PABPC4L: variants seen among roughly 807,000 people sequenced by gnomAD.
The protein encoded by PABPC4L is polyadenylate-binding protein 4-like.
For synonymous variants in PABPC4L, 169 were observed against 164.1 expected, an observed-to-expected ratio of 1.03 and a Z score of -0.23; for missense variants, 452 against 451.4, an observed-to-expected ratio of 1.00 and a Z score of -0.01.
the PABPC4L span, among the ~76,000 whole-genome samples, chr4:134,061,355 A>T: frequency 6.6e-6 from 1 of 152,028 alleles, no homozygotes; most frequent in East Asian, 1.9e-4. Context: ...ATATGAAATG[A>T]CCCACCGAAT....
At chr4:133,955,605 T>C in the PABPC4L span, among the ~76,000 whole-genome samples, 2 of 152,308 alleles carry the variant, frequency 1.3e-5, no homozygotes, top group East Asian at 1.9e-4. Flanking sequence ...CCCAGTTTCA[T>C]GTAACATGAC....
chr4:134,091,565 C>A, the PABPC4L span, among the ~76,000 whole-genome samples: 2 of 151,766 alleles, frequency 1.3e-5, no homozygotes, highest in Non-Finnish European at 2.9e-5. Context: ...TTGCCCTATT[C>A]CTGAATTTAA....
the PABPC4L span, among the ~76,000 whole-genome samples, chr4:134,033,133 T>C: frequency 6.6e-6 from 1 of 151,702 alleles, no homozygotes; most frequent in East Asian, 1.9e-4. Context: ...TGTGTCACCT[T>C]TTGGTAATTC....
chr4:133,973,234 A>G, the PABPC4L span, among the ~76,000 whole-genome samples: 1 of 152,022 alleles, frequency 6.6e-6, no homozygotes, highest in Admixed American at 6.6e-5. Flanking sequence ...TTTATTGGCT[A>G]AAGAAGATCT....
At chr4:134,090,955 C>T in the PABPC4L span, among the ~76,000 whole-genome samples, 1 of 151,846 alleles carries the variant, frequency 6.6e-6, no homozygotes, top group Non-Finnish European at 1.5e-5. Context: ...AGTCTGACCC[C>T]TAAATTTTTC....
At chr4:134,008,611 A>C in the PABPC4L span, among the ~76,000 whole-genome samples, 1 of 151,918 alleles carries the variant, frequency 6.6e-6, no homozygotes, top group East Asian at 1.9e-4. Context: ...ATGTAGAAAT[A>C]GATCAAATTT....
At chr4:134,042,974 A>G in the PABPC4L span, among the ~76,000 whole-genome samples, 1 of 152,112 alleles carries the variant, frequency 6.6e-6, no homozygotes, top group Non-Finnish European at 1.5e-5. Context: ...CAGTCCCAAA[A>G]TGTTCACCAG....
At chr4:134,016,952 G>A in the PABPC4L span, among the ~76,000 whole-genome samples, 13 of 152,092 alleles carry the variant, frequency 8.5e-5, no homozygotes, top group African/African-American at 3.1e-4. Flanking sequence ...TCTTAGTCTA[G>A]GTAAACACTT....
chr4:133,963,488 T>G, the PABPC4L span, among the ~76,000 whole-genome samples: 18 of 152,200 alleles, frequency 1.2e-4, no homozygotes, highest in African/African-American at 4.1e-4. Flanking sequence ...TTGGAATGAA[T>G]GGACTTAAGA....
downstream of PABPC4L, among the ~76,000 whole-genome samples, chr4:134,194,936 A>T (rs1229871298): frequency 6.6e-6 from 1 of 151,802 alleles, no homozygotes; most frequent in Non-Finnish European, 1.5e-5. Flanking sequence ...TAAGGAGAAG[A>T]ATGATATGAT....
At chr4:134,070,614 C>A in the PABPC4L span, among the ~76,000 whole-genome samples, 7 of 151,992 alleles carry the variant, frequency 4.6e-5, no homozygotes, top group Admixed American at 1.3e-4. Flanking sequence ...GTGTGGTCTG[C>A]CCACCCAGAC....
the PABPC4L span, among the ~76,000 whole-genome samples, chr4:133,969,728 T>C: frequency 1.1e-4 from 17 of 152,196 alleles, no homozygotes; most frequent in Non-Finnish European, 4.4e-5. Context: ...AAAGGGCTGC[T>C]GAGTAAAACA....
chr4:134,010,977 T>C, the PABPC4L span, among the ~76,000 whole-genome samples: 8 of 152,254 alleles, frequency 5.3e-5, no homozygotes, highest in South Asian at 2.1e-4. Context: ...TATGATAAAA[T>C]AAAATGTAGA....
rs1003920065 is a variant in PABPC4L at position 134,200,039 on chromosome 4, T to A, written c.981A>T (p.Glu327Asp). 9.7e-6 allele frequency: 15 copies of A among 1,551,552 alleles called. No homozygotes were observed. The African/African-American group carries it at 2.1e-4, about 21-fold the overall frequency. ...AGCCAAACCCTTTGCTCTGCCCCTC[T>A]TCCTGCATTACCTTAACTCTGCTAA... ...GSISRVKVMQ[E>D]EGQSKGFGLI... The change falls in exon 2 of 2, where the codon GAA (glutamate) becomes GAT (aspartate). Residue 327 changes from glutamate to aspartate, a missense_variant. Coordinates refer to ENST00000421491, the MANE Select transcript of PABPC4L (RefSeq NM_001114734.2).
the PABPC4L span, among the ~76,000 whole-genome samples, chr4:134,130,079 A>C: frequency 4.6e-5 from 7 of 151,502 alleles, no homozygotes; most frequent in Non-Finnish European, 8.8e-5. Context: ...AAAAAAAAAA[A>C]AACAACTTTG....
At chr4:133,953,245 G>T in the PABPC4L span, among the ~76,000 whole-genome samples, 2 of 151,958 alleles carry the variant, frequency 1.3e-5, no homozygotes, top group Non-Finnish European at 2.9e-5. Context: ...TCTCTTTTCT[G>T]AGACCTAGTA....
the PABPC4L span, among the ~76,000 whole-genome samples, chr4:134,110,210 TAAAG>T: frequency 8.6e-5 from 13 of 151,844 alleles, no homozygotes; most frequent in African/African-American, 2.9e-4. Flanking sequence ...GTTAAATGAA[TAAAG>T]AAAGTATACT....
At chr4:134,078,870 G>T in the PABPC4L span, among the ~76,000 whole-genome samples, 1 of 148,194 alleles carries the variant, frequency 6.7e-6, no homozygotes, top group Admixed American at 6.8e-5. Flanking sequence ...GTTTCTCCAC[G>T]TTGGTCAGGC....
the PABPC4L span, among the ~76,000 whole-genome samples, chr4:133,995,132 C>CTGA: frequency 6.6e-6 from 1 of 152,168 alleles, no homozygotes; most frequent in South Asian, 2.1e-4. Flanking sequence ...AGTTTCCCAC[C>CTGA]TGATTACTTA....
Sources: allele counts gnomAD v4.1 joint callset (sites outside exome capture counted in the v4.1 genomes callset), GRCh38; gene constraint gnomAD v4.1.1; transcripts MANE v1.5; gene names NCBI Gene and HGNC (gene_info 2026-07-23, HGNC 2026-07-21).